The following NUBPL variants were observed in gnomAD, a reference collection of about 807,000 sequenced individuals.
NUBPL encodes the protein NUBP iron-sulfur cluster assembly factor, mitochondrial.
Under a neutral mutation model 45.7 loss-of-function variants are expected in NUBPL, and 31 were observed. The ratio of observed to expected loss-of-function variants is 0.68; its 90% CI spans 0.51 to 0.92. NUBPL has a LOEUF of 0.92. Among genes scored for constraint, NUBPL ranks in the 40% least tolerant of loss-of-function variants. The probability of loss-of-function intolerance (pLI) is 0.00; values close to 1 mark genes in which losing one functional copy is unlikely to be tolerated. For synonymous variants in NUBPL, 144 were observed against 140.9 expected, an observed-to-expected ratio of 1.02 and a Z score of -0.15; for missense variants, 401 against 398.7, an observed-to-expected ratio of 1.01 and a Z score of -0.05.
chr14:31,770,300 A>G (rs1169600881), intron 6 of NUBPL, among the ~76,000 whole-genome samples: 1 of 152,130 alleles, frequency 6.6e-6, no homozygotes, highest in Non-Finnish European at 1.5e-5. Flanking sequence ...TTTTCAACAT[A>G]GTTTGGCAGG....
rs371020964 is a variant in NUBPL, at chr14:31,839,559, T to G, written c.694-6912T>G. On this transcript the variant is annotated intron_variant, in intron 8 of 10. Coordinates refer to ENST00000281081, the MANE Select transcript of NUBPL (RefSeq NM_025152.3). ...GCTCTATGACATTGGTCTGGGCAATTATTTTTCTGGATAGACAAAATAGCA... is the reference window on the plus strand; with the variant it reads ...GCTCTATGACATTGGTCTGGGCAATGATTTTTCTGGATAGACAAAATAGCA... Among the ~76,000 whole-genome samples, 52 of 152,262 alleles carry G rather than the reference T, an allele frequency of 3.4e-4. 1 individual carries two copies. The highest frequency in any genetic ancestry group is 7.7e-4 in the African/African-American group (32 of 41,574).
chr14:31,792,557 A>T (rs2039401757), intron 7 of NUBPL, among the ~76,000 whole-genome samples: 2 of 152,164 alleles, frequency 1.3e-5, no homozygotes, highest in Non-Finnish European at 2.9e-5. Context: ...AGGCAGTGTT[A>T]GTACATTCAT....
At chr14:31,612,064 A>G (rs1296097913) in intron 4 of NUBPL, among the ~76,000 whole-genome samples, 1 of 152,256 alleles carries the variant, frequency 6.6e-6, no homozygotes, top group Non-Finnish European at 1.5e-5. Flanking sequence ...AAAATGGGCA[A>G]ATGGTATAGC....
chr14:31,847,657 A>G (rs962644491), intron 9 of NUBPL, among the ~76,000 whole-genome samples: 1 of 152,234 alleles, frequency 6.6e-6, no homozygotes, highest in Non-Finnish European at 1.5e-5. Flanking sequence ...GGAAGGCATA[A>G]AGTGAATTAT....
intron 4 of NUBPL, among the ~76,000 whole-genome samples, chr14:31,659,878 A>AT (rs1244379827): frequency 3.3e-5 from 5 of 152,156 alleles, no homozygotes; most frequent in Non-Finnish European, 7.4e-5. Flanking sequence ...AAAGAGGGGC[A>AT]TTTTTTTAAA....
chr14:31,632,269 T>A (rs1455388402), intron 4 of NUBPL, among the ~76,000 whole-genome samples: 1 of 152,102 alleles, frequency 6.6e-6, no homozygotes, highest in Non-Finnish European at 1.5e-5. Flanking sequence ...GGAAGGAGTA[T>A]CCAAATCTGA....
chr14:31,795,062 G>T (rs960518379), intron 7 of NUBPL, among the ~76,000 whole-genome samples: 1 of 149,398 alleles, frequency 6.7e-6, no homozygotes, highest in African/African-American at 2.5e-5. Context: ...CATTATTTTT[G>T]AGGCCTCTGT....
At chr14:31,716,593 T>C (rs553840597) in intron 6 of NUBPL, among the ~76,000 whole-genome samples, 6 of 152,338 alleles carry the variant, frequency 3.9e-5, no homozygotes, top group Admixed American at 2.0e-4. Context: ...TGCACATAAC[T>C]GTAATTAGTA....
chr14:31,629,251 AATTACTGACTTC>A (rs2035282711), intron 4 of NUBPL, among the ~76,000 whole-genome samples: 1 of 152,160 alleles, frequency 6.6e-6, no homozygotes, highest in Non-Finnish European at 1.5e-5. Flanking sequence ...GATCTCAGGA[AATTACTGACTTC>A]ATTTTTGTTT....
intron 9 of NUBPL, among the ~76,000 whole-genome samples, chr14:31,849,277 AT>A (rs1307989767): frequency 6.6e-6 from 1 of 152,158 alleles, no homozygotes; most frequent in Non-Finnish European, 1.5e-5. Context: ...TAACTTTTGC[AT>A]GGATTTGGAG....
In NUBPL at chr14:31,859,165, A is replaced by G. The variant is rs772063238; in HGVS notation, c.945A>G (p.Pro315=). 8 of 1,613,846 alleles carry G rather than the reference A, an allele frequency of 5.0e-6. No homozygotes were observed. The highest frequency in any genetic ancestry group is 1.6e-4 in the Middle Eastern group (1 of 6,078). ...RIAVEVVRRL[P]SPSE is the part of the protein sequence containing the mutation. ...CTGTGGAAGTGGTAAGAAGATTGCC[A>G]TCACCTTCAGAATGATTCCCCAAGT... The change falls in exon 11 of 11, where the codon CCA becomes CCG. Residue 315 remains proline (P), a synonymous_variant. Coordinates refer to ENST00000281081, the MANE Select transcript of NUBPL (RefSeq NM_025152.3).
rs773589463 is a variant in NUBPL, at chr14:31,562,076, C to T, written c.117C>T (p.Gly39=). The change falls in exon 2 of 11, where the codon GGC becomes GGT. Residue 39 remains glycine, a synonymous_variant. Coordinates refer to ENST00000281081, the MANE Select transcript of NUBPL (RefSeq NM_025152.3). The part of the protein sequence containing the change: ...RAMVCGRQLS[G]AGSETLKQRR... Reference sequence around the variant, plus strand: ...ATTATTATTTTTTAAAGTTGTCTGGCGCCGGGAGTGAGACCCTAAAACAAA... The same window carrying T: ...ATTATTATTTTTTAAAGTTGTCTGGTGCCGGGAGTGAGACCCTAAAACAAA... 3.8e-5 allele frequency: 61 copies of T among 1,596,286 alleles called. No individual in the cohort carries two copies. The highest frequency in any genetic ancestry group is 5.1e-5 in the Non-Finnish European group (60 of 1,170,762).
intron 4 of NUBPL, among the ~76,000 whole-genome samples, chr14:31,670,717 A>G (rs1224856908): frequency 1.3e-5 from 2 of 152,188 alleles, no homozygotes; most frequent in Non-Finnish European, 2.9e-5. Context: ...AGCACCATTT[A>G]TGGAATAGAG....
At chr14:31,596,886 G>C (rs955808367) in intron 3 of NUBPL, among the ~76,000 whole-genome samples, 1 of 152,166 alleles carries the variant, frequency 6.6e-6, no homozygotes, top group Non-Finnish European at 1.5e-5. Flanking sequence ...TAACTGCCCA[G>C]TACCCAGAAG....
intron 7 of NUBPL, among the ~76,000 whole-genome samples, chr14:31,808,327 G>T (rs2039731042): frequency 6.6e-6 from 1 of 152,142 alleles, no homozygotes; most frequent in Non-Finnish European, 1.5e-5. Context: ...TCTCCTTGAA[G>T]AGGTCCTTCA....
intron 4 of NUBPL, among the ~76,000 whole-genome samples, chr14:31,640,537 C>G (rs1021454048): frequency 2.0e-5 from 3 of 150,698 alleles, no homozygotes; most frequent in Non-Finnish European, 2.9e-5. Context: ...ATAACTTGAA[C>G]CTGGGAGGTG....
At chr14:31,725,182 G>C (rs2037894094) in intron 6 of NUBPL, among the ~76,000 whole-genome samples, 1 of 152,062 alleles carries the variant, frequency 6.6e-6, no homozygotes, top group African/African-American at 2.4e-5. Flanking sequence ...GTAGAGGTTA[G>C]GAGAAGAATG....
chr14:31,724,290 A>G (rs939954629), intron 6 of NUBPL, among the ~76,000 whole-genome samples: 14 of 152,216 alleles, frequency 9.2e-5, no homozygotes, highest in African/African-American at 3.1e-4. Context: ...ATCAACTGCT[A>G]AGGCCTGGTA....
chr14:31,633,702 G>T (rs2035405506), intron 4 of NUBPL, among the ~76,000 whole-genome samples: 1 of 152,054 alleles, frequency 6.6e-6, no homozygotes, highest in South Asian at 2.1e-4. Flanking sequence ...TTATTAACTG[G>T]TTTTTCCTTA....
Sources: gnomAD v4.1 joint callset for allele counts (sites outside exome capture counted in the v4.1 genomes callset) on GRCh38, gnomAD v4.1.1 for gene constraint, MANE v1.5 for transcripts, NCBI Gene and HGNC (gene_info 2026-07-23, HGNC 2026-07-21) for gene names.